ZNF101: variants seen among roughly 807,000 people sequenced by gnomAD.
ZNF101 encodes the protein zinc finger protein 101, also known as zinc finger protein 101 (Y2).
In ZNF101, 34 loss-of-function variants were observed where a neutral mutation model predicts 42.6. The observed-to-expected ratio is 0.80, with a 90% confidence interval of 0.61 to 1.06. The LOEUF (loss-of-function observed/expected upper bound fraction) is 1.06. Ranked by LOEUF, ZNF101 falls within the 50% of genes least tolerant of loss-of-function variation. ZNF101 has a pLI of 0.00. For missense variants in ZNF101, 466 were observed against 530.9 expected (o/e 0.88, Z 1.20); for synonymous variants, 158 against 183.9 (o/e 0.86, Z 1.14).
chr19:19,679,589 G>A lies in ZNF101; in HGVS notation c.600G>A (p.Arg200=). 1 of 1,613,732 alleles carries A rather than the reference G, an allele frequency of 6.2e-7. No homozygotes were observed. The highest frequency in any genetic ancestry group is 1.1e-5 in the South Asian group (1 of 91,004). Residue 200 remains arginine, a synonymous_variant, in exon 4 of 4, where the codon AGG becomes AGA. Transcript: ENST00000592502. The part of the protein sequence containing the change: ...THTGKRSYKC[R]EIVRAFTVSS... ...CTGGAAAGAGGTCCTATAAATGTAG[G>A]GAAATAGTGAGAGCCTTCACAGTTT...
chr19:19,679,584 T>C lies in ZNF101; in HGVS notation c.595T>C (p.Cys199Arg). Residue 199 changes from cysteine to arginine, a missense_variant, in exon 4 of 4, where the codon TGT becomes CGT. Cys to Arg is a radical substitution (Grantham distance 180). Transcript: ENST00000592502. ...TCACACTGGAAAGAGGTCCTATAAA[T>C]GTAGGGAAATAGTGAGAGCCTTCAC... ...RTHTGKRSYK[C>R]REIVRAFTVS... 1 of 1,614,042 alleles carries C rather than the reference T, an allele frequency of 6.2e-7. No homozygotes were observed. The highest frequency in any genetic ancestry group is 8.5e-7 in the Non-Finnish European group (1 of 1,179,990).
At chr19:19,678,695 T>A in intron 2 of ZNF101, 31 bp from the exon 3 acceptor site, 1 of 1,555,918 alleles carries the variant, frequency 6.4e-7, no homozygotes, top group Non-Finnish European at 8.7e-7. Flanking sequence ...TTTAAATAAT[T>A]CATAATAATT....
intron 2 of ZNF101, 31 bp from the exon 3 acceptor site, chr19:19,678,695 T>G: frequency 6.4e-7 from 1 of 1,555,918 alleles, no homozygotes; most frequent in African/African-American, 1.4e-5. Flanking sequence ...TTTAAATAAT[T>G]CATAATAATT....
chr19:19,671,654 T>C (rs2062171237), intron 1 of ZNF101, among the ~76,000 whole-genome samples: 2 of 151,918 alleles, frequency 1.3e-5, no homozygotes, highest in African/African-American at 2.4e-5. Flanking sequence ...TGCCCGCCAT[T>C]ACGCCCGGCT....
chr19:19,677,475 G>A (rs899045376), intron 1 of ZNF101: 3 of 180,468 alleles, frequency 1.7e-5, no homozygotes, highest in East Asian at 1.7e-4. Flanking sequence ...AGCAAAGGTC[G>A]AACTTGGTAA....
At chr19:19,677,830 AC>A (rs755749353) in intron 1 of ZNF101, 33 bp from the exon 2 acceptor site, 1 of 1,601,580 alleles carries the variant, frequency 6.2e-7, no homozygotes, top group East Asian at 2.3e-5. Flanking sequence ...GCTGAGTCTC[AC>A]CCCTCCTCCT....
At chr19:19,671,626 A>T (rs968830863) in intron 1 of ZNF101, among the ~76,000 whole-genome samples, 26 of 151,234 alleles carry the variant, frequency 1.7e-4, no homozygotes, top group African/African-American at 6.1e-4. Flanking sequence ...CTGCCTCCCG[A>T]GTAGCTGGGA....
rs930920561 is a variant in ZNF101, at chr19:19,680,389, G to A, written c.*89G>A. The stretch of plus-strand genomic sequence containing the variant: ...CCCAGCACTTTGGGAGGCTGAGGCG[G>A]GTGGATCACCTGAGGTCAGGAGTTC... On this transcript the variant is annotated 3_prime_UTR_variant, in exon 4 of 4. Coordinates refer to ENST00000592502, the MANE Select transcript of ZNF101 (RefSeq NM_033204.4). 2.9e-6 allele frequency: 2 copies of A among 678,200 alleles called. No individual in the cohort carries two copies. Among genetic ancestry groups the A allele is most frequent in the Admixed American group, 3.5e-5 (1 of 28,794 alleles). 42.0% of individuals were successfully genotyped at this position (678,200 alleles called of 1,614,324 possible). A position where few individuals can be genotyped will look rare whatever the true frequency, so the allele number is the denominator to read the frequency against.
chr19:19,678,666 C>G, intron 2 of ZNF101, 60 bp from the exon 3 acceptor site: 1 of 1,432,414 alleles, frequency 7.0e-7, no homozygotes, highest in Non-Finnish European at 9.5e-7. Flanking sequence ...AACTTAGAAC[C>G]TAGTGATTTT....
At position 19,681,777 on chromosome 19, in the gene ZNF101, C is replaced by G. The variant is rs909731299; in HGVS notation, c.*1477C>G. 6.6e-6 allele frequency: 1 copy of G among 151,734 alleles called. No individual in the cohort carries two copies. Among genetic ancestry groups the G allele is most frequent in the African/African-American group, 2.4e-5 (1 of 41,286 alleles). 9.4% of individuals were successfully genotyped at this position (151,734 alleles called of 1,614,324 possible). On this transcript the variant is annotated 3_prime_UTR_variant, in exon 4 of 4. Coordinates refer to ENST00000592502, the MANE Select transcript of ZNF101 (RefSeq NM_033204.4). ...AATTAATCATGTGAGAACATCCACT[C>G]GAAAGAAATCCTATAAACGTAAGTA...
rs79207477 is a variant in ZNF101 at position 19,668,989 on chromosome 19, C to T, written c.3+23C>T. 2.5e-4 allele frequency: 403 copies of T among 1,581,398 alleles called. 1 individual carries two copies. The East Asian group carries it at 8.6e-3, about 34-fold the overall frequency. ...ATGGTGAGCGTGCGGAGCCGGGCGTCCGGAGACCTGAGGAGGAGCTGGTCG... is the reference window on the plus strand; with the variant it reads ...ATGGTGAGCGTGCGGAGCCGGGCGTTCGGAGACCTGAGGAGGAGCTGGTCG... On this transcript the variant is annotated intron_variant, in intron 1 of 3. Coordinates refer to ENST00000592502, the MANE Select transcript of ZNF101 (RefSeq NM_033204.4).
chr19:19,670,498 T>G (rs1468140790), intron 1 of ZNF101, among the ~76,000 whole-genome samples: 1 of 152,232 alleles, frequency 6.6e-6, no homozygotes, highest in African/African-American at 2.4e-5. Context: ...GGCTCACGCC[T>G]GTAATTCCAG....
In ZNF101 at chr19:19,682,551, G is replaced by A. The variant is rs530640422; in HGVS notation, c.*2251G>A. On this transcript the variant is annotated 3_prime_UTR_variant, in exon 4 of 4. Coordinates refer to ENST00000592502, the MANE Select transcript of ZNF101 (RefSeq NM_033204.4). ...GACTCATTCTTAAAAAGGATCTTTG[G>A]ATTATGGGTTTCCACTTTTGCAAGG... is the stretch of plus-strand genomic sequence containing the variant. 24 of 152,182 alleles carry A rather than the reference G, an allele frequency of 1.6e-4. No homozygotes were observed. The highest frequency in any genetic ancestry group is 5.3e-4 in the African/African-American group (22 of 41,524). 9.4% of individuals were successfully genotyped at this position (152,182 alleles called of 1,614,324 possible). A position where few individuals can be genotyped will look rare whatever the true frequency, so the allele number is the denominator to read the frequency against.
At chr19:19,673,207 T>C (rs556242651) in intron 1 of ZNF101, among the ~76,000 whole-genome samples, 1 of 149,600 alleles carries the variant, frequency 6.7e-6, no homozygotes, top group South Asian at 2.1e-4. Context: ...TGCCTTGGCC[T>C]CCCAAAGTGG....
At position 19,681,553 on chromosome 19, in the gene ZNF101, C is replaced by G. The variant is rs1055922809; in HGVS notation, c.*1253C>G. 1 of 152,154 alleles carries G rather than the reference C, an allele frequency of 6.6e-6. No individual in the cohort carries two copies. The highest frequency in any genetic ancestry group is 1.5e-5 in the Non-Finnish European group (1 of 68,064). 9.4% of individuals were successfully genotyped at this position (152,154 alleles called of 1,614,324 possible). ...ATTGCTTGAGGCCAGGTATTCAAGA[C>G]CAGCCTGGCAACCTGGAGAAATCCC... On this transcript the variant is annotated 3_prime_UTR_variant, in exon 4 of 4. Transcript: ENST00000592502.
At chr19:19,678,859 A>T in intron 3 of ZNF101, 73 bp downstream of exon 3, 2 of 1,326,988 alleles carry the variant, frequency 1.5e-6, no homozygotes, top group African/African-American at 3.0e-5. Flanking sequence ...TTTTAAAAAA[A>T]TACAAGACAA....
At position 19,679,541 on chromosome 19, in the gene ZNF101, T is replaced by G. The variant is rs1158987471; in HGVS notation, c.552T>G (p.Phe184Leu). ...CGKAFNSPNLFQIHQRTHTGK... is the reference protein window; with the variant it reads ...CGKAFNSPNLLQIHQRTHTGK... Reference sequence around the variant, plus strand: ...AAGCCTTTAATTCTCCCAATTTATTTCAAATCCATCAAAGAACTCACACTG... The same window carrying G: ...AAGCCTTTAATTCTCCCAATTTATTGCAAATCCATCAAAGAACTCACACTG... The change falls in exon 4 of 4, where the codon TTT becomes TTG. Residue 184 changes from phenylalanine (F) to leucine (L), a missense_variant. Coordinates refer to ENST00000592502, the MANE Select transcript of ZNF101 (RefSeq NM_033204.4). The G allele has an allele frequency of 9.9e-6, 16 of 1,614,192 alleles. No individual in the cohort carries two copies. Among genetic ancestry groups the G allele is most frequent in the Non-Finnish European group, 1.4e-5 (16 of 1,180,048 alleles).
intron 1 of ZNF101, 123 bp from the exon 2 acceptor site, chr19:19,677,741 C>CG: frequency 1.4e-6 from 2 of 1,416,516 alleles, no homozygotes; most frequent in South Asian, 2.7e-5. Context: ...AGGAGGAGGC[C>CG]GATGACTCAA....
At position 19,678,770 on chromosome 19, in the gene ZNF101, C is replaced by A. The variant is rs149677520; in HGVS notation, c.175C>A (p.Leu59Met). 1.1e-5 allele frequency: 17 copies of A among 1,611,832 alleles called. No homozygotes were observed. Among genetic ancestry groups the A allele is most frequent in the Non-Finnish European group, 1.4e-5 (16 of 1,179,408 alleles). ...DQDIENLYQN[L>M]GIKLRSLVER... is the part of the protein sequence containing the mutation. ...GGACATTGAGAATCTGTACCAAAAC[C>A]TGGGGATTAAGCTAAGGTAATCTCC... Residue 59 changes from leucine to methionine, a missense_variant, in exon 3 of 4, where the codon CTG (leucine) becomes ATG (methionine). By Grantham distance (15) the Leu-to-Met change is conservative. Transcript: ENST00000592502.
Sources: gnomAD v4.1 joint callset for allele counts (sites outside exome capture counted in the v4.1 genomes callset) on GRCh38, gnomAD v4.1.1 for gene constraint, MANE v1.5 for transcripts, NCBI Gene and HGNC (gene_info 2026-07-23, HGNC 2026-07-21) for gene names.